Variants in KLHL2 observed in about 807,000 individuals in gnomAD.
KLHL2 encodes the protein kelch like family member 2, also known as kelch-like protein 2.
KLHL2 carries 15 observed loss-of-function variants against 75.8 expected under a neutral mutation model. That is an observed-to-expected ratio of 0.20 (90% CI 0.13 to 0.30). The LOEUF is 0.30. Ranked by LOEUF, KLHL2 falls within the 10% of genes least tolerant of loss-of-function variation. The probability of loss-of-function intolerance (pLI) is 1.00; values close to 1 mark genes in which losing one functional copy is unlikely to be tolerated. For synonymous variants in KLHL2, 214 were observed against 251.9 expected (o/e 0.85, Z 1.42); for missense variants, 381 against 741.0 (o/e 0.51, Z 5.64).
intron 11 of KLHL2, 56 bp from the exon 12 acceptor site, chr4:165,313,181 GT>G (rs1370639876): frequency 2.6e-6 from 4 of 1,560,610 alleles, no homozygotes; most frequent in Non-Finnish European, 3.5e-6. Context: ...AAAAATTAGT[GT>G]TTTTTGTTTG....
chr4:165,314,027 T>C lies in KLHL2; in HGVS notation c.1470T>C (p.Gly490=). 3 of 1,612,560 alleles carry C rather than the reference T, an allele frequency of 1.9e-6. No individual in the cohort carries two copies. Among genetic ancestry groups the C allele is most frequent in the Non-Finnish European group, 2.5e-6 (3 of 1,179,292 alleles). ...TATTTGGCTGGTTGTGTTTTATAGG[T>C]GTTGGTGTGTTAAACAATTTATTGT... ...AEMSTRRSGA[G]VGVLNNLLYA... is the part of the protein sequence containing the mutation. The change falls in exon 13 of 15, where the codon GGT becomes GGC. Residue 490 remains glycine (G), a splice_region_variant and synonymous_variant. Transcript: ENST00000226725.
intron 5 of KLHL2, among the ~76,000 whole-genome samples, chr4:165,290,697 A>G (rs1456745739): frequency 2.6e-5 from 4 of 152,084 alleles, no homozygotes; most frequent in Non-Finnish European, 5.9e-5. Flanking sequence ...GCTGGGTGTG[A>G]TGGCTCATGC....
At chr4:165,250,992 G>A (rs1425398109) in intron 4 of KLHL2, among the ~76,000 whole-genome samples, 1 of 152,148 alleles carries the variant, frequency 6.6e-6, no homozygotes, top group Non-Finnish European at 1.5e-5. Context: ...TAGAGAAAAA[G>A]TTATGTATCT....
intron 4 of KLHL2, among the ~76,000 whole-genome samples, chr4:165,246,529 C>T (rs1300458659): frequency 6.6e-6 from 1 of 151,824 alleles, no homozygotes; most frequent in Non-Finnish European, 1.5e-5. Flanking sequence ...GGGTTGTTGG[C>T]GTGAGATGGT....
intron 9 of KLHL2, among the ~76,000 whole-genome samples, chr4:165,310,109 G>A (rs539625544): frequency 4.4e-4 from 67 of 152,234 alleles, no homozygotes; most frequent in South Asian, 1.7e-3. Flanking sequence ...AGGCCAAGGC[G>A]GGCAGATCAC....
rs182084902 is a variant in KLHL2 at position 165,321,946 on chromosome 4, G to A, written c.1754-86G>A. ...GATTTGTACAGTTCCTCCTGCCTTC[G>A]TATTATAATGAAGAATTGAGTGTTT... On this transcript the variant is annotated intron_variant, in intron 14 of 14. Transcript: ENST00000226725. 61 of 1,153,248 alleles carry A rather than the reference G, an allele frequency of 5.3e-5. 2 individuals carry two copies. The highest frequency in any genetic ancestry group is 2.6e-4 in the African/African-American group (17 of 65,732). The allele number at this position is 1,153,248 out of a possible 1,614,324, so 71.4% of individuals were successfully genotyped here. A position where few individuals can be genotyped will look rare whatever the true frequency, so the allele number is the denominator to read the frequency against.
chr4:165,285,779 A>G (rs1265498907), intron 5 of KLHL2, among the ~76,000 whole-genome samples: 1 of 114,890 alleles, frequency 8.7e-6, no homozygotes, highest in Admixed American at 7.6e-5. Context: ...TATGTTTTTA[A>G]TCACATAATA....
chr4:165,311,890 G>GTGTT (rs1263502694), intron 11 of KLHL2, among the ~76,000 whole-genome samples: 1 of 151,176 alleles, frequency 6.6e-6, no homozygotes, highest in African/African-American at 2.4e-5. Context: ...TAACACGTGT[G>GTGTT]TGTTTGACTT....
chr4:165,293,816 C>T (rs1411611259), intron 5 of KLHL2, among the ~76,000 whole-genome samples: 1 of 151,812 alleles, frequency 6.6e-6, no homozygotes, highest in East Asian at 1.9e-4. Context: ...GCGCCCGGCC[C>T]AATTCTCTCT....
At chr4:165,283,298 A>G (rs1278120732) in intron 5 of KLHL2, among the ~76,000 whole-genome samples, 8 of 152,184 alleles carry the variant, frequency 5.3e-5, no homozygotes, top group South Asian at 4.1e-4. Flanking sequence ...TCAGAGGTGC[A>G]CAGTCCAAAG....
intron 11 of KLHL2, among the ~76,000 whole-genome samples, chr4:165,312,850 T>G (rs1176694629): frequency 6.6e-6 from 1 of 152,252 alleles, no homozygotes; most frequent in Admixed American, 6.5e-5. Flanking sequence ...AATATTGCAT[T>G]GCATTCTGTT....
intron 13 of KLHL2, among the ~76,000 whole-genome samples, chr4:165,316,433 A>T (rs1475231132): frequency 6.6e-6 from 1 of 152,144 alleles, no homozygotes; most frequent in Non-Finnish European, 1.5e-5. Context: ...TCTTGCTTTT[A>T]AGTATTTGAA....
At chr4:165,266,106 C>T (rs1395097835) in intron 5 of KLHL2, among the ~76,000 whole-genome samples, 2 of 152,190 alleles carry the variant, frequency 1.3e-5, no homozygotes, top group African/African-American at 4.8e-5. Context: ...CTGTTGGCTG[C>T]ATAAATGTCT....
intron 3 of KLHL2, among the ~76,000 whole-genome samples, chr4:165,236,834 A>G (rs1482168237): frequency 1.3e-5 from 2 of 152,140 alleles, no homozygotes; most frequent in Admixed American, 1.3e-4. Context: ...TCTGGGGAGA[A>G]AAATAATCTT....
intron 8 of KLHL2, among the ~76,000 whole-genome samples, chr4:165,304,409 C>T (rs1442277796): frequency 2.6e-5 from 4 of 152,096 alleles, no homozygotes; most frequent in Admixed American, 2.6e-4. Flanking sequence ...CAAATCTCCT[C>T]TTTTTGTGTA....
chr4:165,265,891 G>A (rs1370699296), intron 5 of KLHL2, among the ~76,000 whole-genome samples: 1 of 152,132 alleles, frequency 6.6e-6, no homozygotes, highest in African/African-American at 2.4e-5. Context: ...TTGAGGAATT[G>A]CCACACTGTC....
rs1454912525 is a variant in KLHL2, at chr4:165,264,724, ATATATATATATATATG to A, written c.544+1381_544+1396del. On this transcript the variant is annotated intron_variant, in intron 5 of 14. Coordinates refer to ENST00000226725, the MANE Select transcript of KLHL2 (RefSeq NM_007246.4). ...TGTGTGTATATATATATATATACAT[ATATATATATATATATG>A]TATATATATATATATATATATATAT... is the stretch of plus-strand genomic sequence containing the variant. 9.6e-3 allele frequency among the ~76,000 whole-genome samples: 674 copies of A among 70,294 alleles called. 4 individuals are homozygous for A. The highest frequency in any genetic ancestry group is 0.02 in the Middle Eastern group (3 of 148). The allele number at this position is 70,294 out of a possible 152,430, so 46.1% of individuals were successfully genotyped here.
chr4:165,224,051 A>C, intron 2 of KLHL2: 1 of 316,138 alleles, frequency 3.2e-6, no homozygotes. Context: ...AGTAGCTGGG[A>C]TTACAGGTGC....
chr4:165,277,129 A>G (rs1394835308), intron 5 of KLHL2, among the ~76,000 whole-genome samples: 2 of 152,188 alleles, frequency 1.3e-5, no homozygotes, highest in African/African-American at 2.4e-5. Flanking sequence ...ACATATTGAT[A>G]TACATAGTGG....
Sources: allele counts gnomAD v4.1 joint callset (sites outside exome capture counted in the v4.1 genomes callset), GRCh38; gene constraint gnomAD v4.1.1; transcripts MANE v1.5; gene names NCBI Gene and HGNC (gene_info 2026-07-23, HGNC 2026-07-21).